The following DNAH5 variants were observed in gnomAD, a reference collection of about 807,000 sequenced individuals.
The protein encoded by DNAH5 is dynein axonemal heavy chain 5, also known as axonemal beta dynein heavy chain 5.
DNAH5 carries 372 observed loss-of-function variants against 518.2 expected under a neutral mutation model. The ratio of observed to expected loss-of-function variants is 0.72; its 90% CI spans 0.66 to 0.78. The LOEUF is 0.78. Among genes scored for constraint, DNAH5 ranks in the 30% least tolerant of loss-of-function variants. DNAH5 has a pLI of 0.00. For missense variants in DNAH5, 5,523 were observed against 5,687.0 expected, an observed-to-expected ratio of 0.97 and a Z score of 0.93; for synonymous variants, 2,039 against 2,025.9, an observed-to-expected ratio of 1.01 and a Z score of -0.17.
chr5:13,865,856 CT>C lies in DNAH5; in HGVS notation c.4166del (p.Glu1389GlyfsTer17). On this transcript the variant is annotated frameshift_variant, in exon 27 of 79. Coordinates refer to ENST00000265104, the MANE Select transcript of DNAH5 (RefSeq NM_001369.3). LOFTEE classifies it high-confidence loss of function. ...YRKYITYTGG[E>X]ELFGLPATQY... ...GTGTAGCTGGCAGGCCAAAAAGCTC[CT>C]CTCCTCCAGTATATGTGATGTATTT... The C allele has an allele frequency of 6.2e-7, 1 of 1,613,448 alleles. No individual in the cohort carries two copies. The highest frequency in any genetic ancestry group is 2.2e-5 in the East Asian group (1 of 44,860).
At position 13,793,664 on chromosome 5, in the gene DNAH5, C is replaced by A. The variant is rs1206489897; in HGVS notation, c.8075G>T (p.Gly2692Val). 6.2e-7 allele frequency: 1 copy of A among 1,614,112 alleles called. No individual in the cohort carries two copies. The highest frequency in any genetic ancestry group is 2.2e-5 in the East Asian group (1 of 44,874). ...GATGTCCACGATGCTGGTGAACTCC[C>A]CAGGCTTCTCTAGATTATAGAATCC... ...QNGFYNLEKP[G>V]EFTSIVDIQF... The change falls in exon 49 of 79, where the codon GGG (glycine) becomes GTG (valine). Residue 2692 changes from glycine (G) to valine (V), a missense_variant. Gly to Val is a moderately radical substitution (Grantham distance 109, BLOSUM62 -3). Coordinates refer to ENST00000265104, the MANE Select transcript of DNAH5 (RefSeq NM_001369.3).
chr5:13,737,131 C>T lies in DNAH5; in HGVS notation c.11455+121G>A, dbSNP rs1403824561. On this transcript the variant is annotated intron_variant, in intron 66 of 78. Coordinates refer to ENST00000265104, the MANE Select transcript of DNAH5 (RefSeq NM_001369.3). ...GGAATATTTCCCAACAGAAATTCCA[C>T]AAAACACCTCCACTTTGCATAATCA... 4 of 1,505,692 alleles carry T rather than the reference C, an allele frequency of 2.7e-6. No homozygotes were observed. In the South Asian group the frequency reaches 4.6e-5, roughly 17 times the overall value. 93.3% of individuals were successfully genotyped at this position (1,505,692 alleles called of 1,614,324 possible). A position where few individuals can be genotyped will look rare whatever the true frequency, so the allele number is the denominator to read the frequency against.
At chr5:13,847,647 C>G (rs2151876941) in intron 31 of DNAH5, among the ~76,000 whole-genome samples, 1 of 151,496 alleles carries the variant, frequency 6.6e-6, no homozygotes, top group South Asian at 2.1e-4. Context: ...TCACTTGAAC[C>G]TGGGAGGCGG....
chr5:13,739,000 T>A (rs1748003531), intron 65 of DNAH5, among the ~76,000 whole-genome samples: 1 of 152,094 alleles, frequency 6.6e-6, no homozygotes, highest in African/African-American at 2.4e-5. Context: ...GAAACCAGGG[T>A]TAAGTGCAGG....
At chr5:13,741,539 T>C (rs1341731851) in intron 65 of DNAH5, among the ~76,000 whole-genome samples, 1 of 152,186 alleles carries the variant, frequency 6.6e-6, no homozygotes, top group South Asian at 2.1e-4. Context: ...TAGAAATTAG[T>C]ACAAACAAGT....
chr5:13,929,426 G>A (rs1338339297), intron 2 of DNAH5, among the ~76,000 whole-genome samples: 1 of 152,182 alleles, frequency 6.6e-6, no homozygotes, highest in South Asian at 2.1e-4. Context: ...ACAGTAATGT[G>A]AACGTACTTA....
At chr5:13,797,530 C>G (rs1758014994) in intron 47 of DNAH5, among the ~76,000 whole-genome samples, 1 of 152,056 alleles carries the variant, frequency 6.6e-6, no homozygotes, top group Admixed American at 6.5e-5. Flanking sequence ...ATCAGAATGG[C>G]AATCATTAAA....
intron 30 of DNAH5, among the ~76,000 whole-genome samples, chr5:13,852,482 TC>T (rs1316582037): frequency 2.0e-5 from 3 of 149,358 alleles, no homozygotes; most frequent in African/African-American, 4.9e-5. Flanking sequence ...ATTTTTTTTT[TC>T]GTACCCTAGT....
chr5:13,882,531 T>C (rs1320493434), intron 21 of DNAH5, among the ~76,000 whole-genome samples, 197 bp downstream of exon 21: 4 of 152,174 alleles, frequency 2.6e-5, no homozygotes, highest in Non-Finnish European at 5.9e-5. Flanking sequence ...ATAAATGTGA[T>C]CCACCATAAC....
intron 1 of DNAH5, among the ~76,000 whole-genome samples, chr5:13,990,252 T>C (rs1273898543): frequency 6.6e-6 from 1 of 152,002 alleles, no homozygotes; most frequent in Non-Finnish European, 1.5e-5. Flanking sequence ...CTAAAAACTT[T>C]AAAAAATTGG....
intron 1 of DNAH5, among the ~76,000 whole-genome samples, chr5:13,979,645 A>G (rs1162341036): frequency 1.3e-5 from 2 of 152,040 alleles, no homozygotes; most frequent in Non-Finnish European, 2.9e-5. Flanking sequence ...ATTCACCCCA[A>G]CCTGGCTTTT....
intron 1 of DNAH5, among the ~76,000 whole-genome samples, chr5:13,940,520 T>C (rs762925034): frequency 6.6e-6 from 1 of 152,178 alleles, no homozygotes; most frequent in Non-Finnish European, 1.5e-5. Flanking sequence ...TGGCCACTCA[T>C]TGGAATCATT....
At chr5:13,866,089 C>T (rs1204945618) in intron 26 of DNAH5, 131 bp downstream of exon 26, 13 of 924,752 alleles carry the variant, frequency 1.4e-5, no homozygotes, top group Non-Finnish European at 2.0e-5. Flanking sequence ...CCTACAATAT[C>T]GTATTTTTAA....
At chr5:13,805,349 T>A (rs1391945154) in intron 47 of DNAH5, among the ~76,000 whole-genome samples, 2 of 151,978 alleles carry the variant, frequency 1.3e-5, no homozygotes, top group African/African-American at 2.4e-5. Context: ...AATACAAAAA[T>A]TAGCGGGGTG....
At chr5:13,725,340 T>G (rs1745575530) in intron 70 of DNAH5, among the ~76,000 whole-genome samples, 1 of 152,208 alleles carries the variant, frequency 6.6e-6, no homozygotes, top group Admixed American at 6.5e-5. Context: ...TCAGAGCATG[T>G]GCATTCTATG....
At chr5:13,958,363 T>G (rs1008007138) in intron 1 of DNAH5, among the ~76,000 whole-genome samples, 3 of 152,222 alleles carry the variant, frequency 2.0e-5, no homozygotes, top group Non-Finnish European at 4.4e-5. Flanking sequence ...TGCAAATCTT[T>G]GACAAGTGAA....
At chr5:13,779,830 C>G (rs777664623) in intron 53 of DNAH5, among the ~76,000 whole-genome samples, 15 of 152,174 alleles carry the variant, frequency 9.9e-5, no homozygotes, top group Non-Finnish European at 1.0e-4. Flanking sequence ...ACTCTCTATT[C>G]TCCATTCTCA....
chr5:13,859,721 G>T, intron 29 of DNAH5, 116 bp from the exon 30 acceptor site: 1 of 991,468 alleles, frequency 1.0e-6, no homozygotes, highest in Non-Finnish European at 1.6e-6. Context: ...CCTTAATTAT[G>T]TTGCTGGCTT....
chr5:13,864,705 C>G (rs1284906439), intron 27 of DNAH5, 68 bp from the exon 28 acceptor site: 4 of 1,551,732 alleles, frequency 2.6e-6, no homozygotes, highest in African/African-American at 1.4e-5. Flanking sequence ...CCAAGACGGT[C>G]TGCTAGTATT....
Sources: allele counts gnomAD v4.1 joint callset (sites outside exome capture counted in the v4.1 genomes callset), GRCh38; gene constraint gnomAD v4.1.1; transcripts MANE v1.5; gene names NCBI Gene and HGNC (gene_info 2026-07-23, HGNC 2026-07-21).